RASGEF1A: variants seen among roughly 807,000 people sequenced by gnomAD.
The protein encoded by RASGEF1A is RasGEF domain family member 1A, also known as ras-GEF domain-containing family member 1A.
Under a neutral mutation model 56.4 loss-of-function variants are expected in RASGEF1A, and 18 were observed. The observed-to-expected ratio is 0.32, with a 90% CI of 0.22 to 0.47. The LOEUF (loss-of-function observed/expected upper bound fraction) is 0.47, where lower values mean the gene tolerates loss of function less well. Ranked by LOEUF, RASGEF1A falls within the 20% of genes least tolerant of loss-of-function variation. The probability of loss-of-function intolerance (pLI) is 1.00; values close to 1 mark genes in which losing one functional copy is unlikely to be tolerated. For missense variants in RASGEF1A, 422 were observed against 627.1 expected, an observed-to-expected ratio of 0.67 and a Z score of 3.49; for synonymous variants, 245 against 242.6, an observed-to-expected ratio of 1.01 and a Z score of -0.09.
chr10:43,196,914 C>A lies in RASGEF1A; in HGVS notation c.1348+62G>T. 1 of 1,592,072 alleles carries A rather than the reference C, an allele frequency of 6.3e-7. No individual in the cohort carries two copies. The highest frequency in any genetic ancestry group is 1.3e-5 in the African/African-American group (1 of 74,812). ...TCTCCCAGGGCAACCCCAAAGAGCA[C>A]CGGGCCTGGACAAGGAGTCAGGTGG... On this transcript the variant is annotated intron_variant, in intron 11 of 12. Coordinates refer to ENST00000395810, the MANE Select transcript of RASGEF1A (RefSeq NM_145313.4). This position sits in a 1 kb window ranked among gnomAD's most constrained non-coding sequence, Gnocchi z 4.6.
intron 1 of RASGEF1A, among the ~76,000 whole-genome samples, chr10:43,213,751 C>T (rs530952200): frequency 1.2e-3 from 183 of 152,240 alleles, no homozygotes; most frequent in African/African-American, 4.2e-3. Context: ...CTCAGGCTCC[C>T]GAGTAGCTGG....
intron 1 of RASGEF1A, among the ~76,000 whole-genome samples, chr10:43,249,219 G>A (rs1402046971): frequency 3.3e-5 from 5 of 152,182 alleles, no homozygotes; most frequent in African/African-American, 1.2e-4. Context: ...GCCAAGACCT[G>A]TAGCCATCTC....
chr10:43,201,982 G>A (rs779441905), intron 3 of RASGEF1A, 37 bp from the exon 4 acceptor site: 29 of 1,564,880 alleles, frequency 1.9e-5, no homozygotes, highest in Non-Finnish European at 2.5e-5. Context: ...GGCCCCACAG[G>A]GCAGAGTAGG....
chr10:43,219,217 A>C (rs1840175663), intron 1 of RASGEF1A, among the ~76,000 whole-genome samples: 1 of 152,176 alleles, frequency 6.6e-6, no homozygotes, highest in Non-Finnish European at 1.5e-5. Flanking sequence ...CAACGCCATC[A>C]GATTCTGCAG....
intron 1 of RASGEF1A, among the ~76,000 whole-genome samples, chr10:43,259,287 G>T (rs534773340): frequency 6.6e-6 from 1 of 152,332 alleles, no homozygotes; most frequent in Admixed American, 6.5e-5. Context: ...AGCACAGCGG[G>T]TAGCCTCTTT....
At chr10:43,251,746 G>A (rs547983221) in intron 1 of RASGEF1A, among the ~76,000 whole-genome samples, 1 of 152,284 alleles carries the variant, frequency 6.6e-6, no homozygotes, top group South Asian at 2.1e-4. Context: ...TCTGGCTCAC[G>A]GGACACCTCT....
At chr10:43,215,097 G>C (rs1329101179) in intron 1 of RASGEF1A, among the ~76,000 whole-genome samples, 1 of 152,210 alleles carries the variant, frequency 6.6e-6, no homozygotes, top group African/African-American at 2.4e-5. Flanking sequence ...CCCACGACCT[G>C]CAGATGATTC....
intron 1 of RASGEF1A, among the ~76,000 whole-genome samples, chr10:43,256,209 G>A (rs1431734173): frequency 6.6e-6 from 1 of 152,196 alleles, no homozygotes; most frequent in African/African-American, 2.4e-5. Context: ...AGGGGGCCTG[G>A]AGCCAGGACA....
chr10:43,229,959 G>A (rs1165349394), intron 1 of RASGEF1A, among the ~76,000 whole-genome samples: 4 of 152,064 alleles, frequency 2.6e-5, no homozygotes, highest in African/African-American at 9.6e-5. Flanking sequence ...GGAGCTGCCT[G>A]GGCCGGGCGC....
chr10:43,203,635 G>T, intron 2 of RASGEF1A: 1 of 1,205,242 alleles, frequency 8.3e-7, no homozygotes, highest in Admixed American at 3.8e-5. Flanking sequence ...CTCGAGCCCC[G>T]CCTCCCAGCA....
intron 1 of RASGEF1A, among the ~76,000 whole-genome samples, chr10:43,232,483 G>C (rs963753590): frequency 1.5e-5 from 2 of 133,394 alleles, no homozygotes; most frequent in East Asian, 5.7e-4. Flanking sequence ...CCCAGTCTCC[G>C]GCTTTTTTTT....
intron 1 of RASGEF1A, among the ~76,000 whole-genome samples, chr10:43,211,633 C>T (rs907198852): frequency 1.3e-5 from 2 of 152,202 alleles, no homozygotes; most frequent in Non-Finnish European, 2.9e-5. Context: ...TGAAGTGACT[C>T]GTGGGGTCCT....
intron 1 of RASGEF1A, among the ~76,000 whole-genome samples, chr10:43,254,517 C>T (rs545161129): frequency 2.0e-5 from 3 of 152,338 alleles, no homozygotes; most frequent in Non-Finnish European, 4.4e-5. Flanking sequence ...ACGGCTGCAC[C>T]GCTAACCCCC....
intron 1 of RASGEF1A, among the ~76,000 whole-genome samples, chr10:43,257,431 C>T (rs1335199404): frequency 1.3e-5 from 2 of 152,226 alleles, no homozygotes; most frequent in Admixed American, 1.3e-4. Context: ...AGGAGGAGCA[C>T]AGGTCCCGCC....
In RASGEF1A at chr10:43,199,664, A is replaced by ATGGGCACT. The variant is rs747520896; in HGVS notation, c.849+4_849+11dup. 1.2e-6 allele frequency: 2 copies of ATGGGCACT among 1,611,166 alleles called. No homozygotes were observed. Among genetic ancestry groups the ATGGGCACT allele is most frequent in the South Asian group, 2.2e-5 (2 of 91,032 alleles). ...TGGCAGCCACCCCACCATGTCTGCCATGGGCACTTACCCGGCACACCTCAG... is the reference window on the plus strand; with the variant it reads ...TGGCAGCCACCCCACCATGTCTGCCATGGGCACTTGGGCACTTACCCGGCACACCTCAG... On this transcript the variant is annotated intron_variant, in intron 7 of 12. Transcript: ENST00000395810.
intron 1 of RASGEF1A, among the ~76,000 whole-genome samples, chr10:43,242,864 G>A (rs534912353): frequency 2.6e-5 from 4 of 152,228 alleles, no homozygotes; most frequent in South Asian, 2.1e-4. Flanking sequence ...GTGCAGTGGC[G>A]TGATCTCGGC....
At chr10:43,253,197 C>T (rs1443195036) in intron 1 of RASGEF1A, among the ~76,000 whole-genome samples, 1 of 152,226 alleles carries the variant, frequency 6.6e-6, no homozygotes, top group African/African-American at 2.4e-5. Flanking sequence ...CCCACACCCC[C>T]CACCACCTCA....
chr10:43,254,455 G>A (rs942702053), intron 1 of RASGEF1A, among the ~76,000 whole-genome samples: 7 of 152,198 alleles, frequency 4.6e-5, no homozygotes, highest in Non-Finnish European at 1.5e-5. Context: ...TTCCAGCCCT[G>A]TGGGCTGTGC....
chr10:43,206,243 G>A (rs555147323), intron 1 of RASGEF1A, 121 bp from the exon 2 acceptor site: 21 of 834,598 alleles, frequency 2.5e-5, no homozygotes, highest in East Asian at 8.1e-5. Flanking sequence ...GGGGCGCAGC[G>A]GCACTGGCAG....
Sources: allele counts gnomAD v4.1 joint callset (sites outside exome capture counted in the v4.1 genomes callset), GRCh38; gene constraint gnomAD v4.1.1; non-coding constraint Gnocchi (gnomAD v3.1); transcripts MANE v1.5; gene names NCBI Gene and HGNC (gene_info 2026-07-23, HGNC 2026-07-21).